Variants in C10orf67 observed in about 807,000 individuals in gnomAD.
The protein encoded by C10orf67 is chromosome 10 open reading frame 67.
Under a neutral mutation model 35.6 loss-of-function variants are expected in C10orf67, and 60 were observed. That is an observed-to-expected ratio of 1.68 (90% CI 1.37 to 2.09). The LOEUF is 2.09. Ranked by LOEUF, C10orf67 falls within the 30% of genes most tolerant of loss-of-function variation. The pLI, the probability that C10orf67 is intolerant of heterozygous loss-of-function variation, is 0.00. For missense variants in C10orf67, 474 were observed against 330.2 expected (o/e 1.44, Z -3.38); for synonymous variants, 167 against 115.8 (o/e 1.44, Z -2.84).
intron 1 of C10orf67, among the ~76,000 whole-genome samples, chr10:23,343,299 C>A (rs1445972202): frequency 6.6e-6 from 1 of 152,042 alleles, no homozygotes; most frequent in Non-Finnish European, 1.5e-5. Flanking sequence ...CTTCTAAAAG[C>A]AGGGTGGGAG....
intron 15 of C10orf67, among the ~76,000 whole-genome samples, chr10:23,222,758 C>A (rs2132105564): frequency 6.6e-6 from 1 of 152,284 alleles, no homozygotes; most frequent in Non-Finnish European, 1.5e-5. Flanking sequence ...GGCAACACGA[C>A]AAAATCTCAG....
chr10:23,280,962 A>G (rs1289671866), intron 8 of C10orf67, among the ~76,000 whole-genome samples: 3 of 152,170 alleles, frequency 2.0e-5, no homozygotes, highest in Non-Finnish European at 4.4e-5. Flanking sequence ...TGAACTTTGG[A>G]GGAATGACAG....
chr10:23,265,515 C>T (rs1213936032), intron 10 of C10orf67, among the ~76,000 whole-genome samples: 1 of 152,202 alleles, frequency 6.6e-6, no homozygotes, highest in Non-Finnish European at 1.5e-5. Flanking sequence ...GGGTTCTATG[C>T]CTTCTAAAAG....
rs142599781 is a variant in C10orf67 at position 23,217,336 on chromosome 10, C to T, written c.1570+6262G>A. On this transcript the variant is annotated intron_variant, in intron 15 of 15. Transcript: ENST00000636213. ...AGCTGAAAGGAATATTAATATGGTA[C>T]CTTTCATATACAAGGATGTCATGTC... Among the ~76,000 whole-genome samples the T allele has an allele frequency of 9.9e-5, 15 of 152,176 alleles. 1 individual carries two copies. The highest frequency in any genetic ancestry group is 4.2e-4 in the South Asian group (2 of 4,810).
chr10:23,327,681 C>T (rs1374098202), intron 2 of C10orf67, among the ~76,000 whole-genome samples: 20 of 151,878 alleles, frequency 1.3e-4, no homozygotes, highest in African/African-American at 3.1e-4. Context: ...AAAAATTATC[C>T]GGGCGTGGTG....
intron 15 of C10orf67, among the ~76,000 whole-genome samples, chr10:23,221,554 A>G (rs1841581345): frequency 1.3e-5 from 2 of 152,358 alleles, no homozygotes; most frequent in Admixed American, 1.3e-4. Flanking sequence ...GGTGAAGATT[A>G]GCAATAATCT....
chr10:23,206,189 T>C (rs1841154189), intron 15 of C10orf67, among the ~76,000 whole-genome samples: 1 of 152,162 alleles, frequency 6.6e-6, no homozygotes, highest in Non-Finnish European at 1.5e-5. Flanking sequence ...ATCAAACCAA[T>C]GGTTACCCCT....
intron 4 of C10orf67, among the ~76,000 whole-genome samples, chr10:23,314,684 A>G (rs1201717597): frequency 1.3e-5 from 2 of 152,172 alleles, no homozygotes; most frequent in Non-Finnish European, 2.9e-5. Flanking sequence ...AGTTTGTAGA[A>G]AAATCCACTT....
intron 12 of C10orf67, among the ~76,000 whole-genome samples, chr10:23,242,755 A>G (rs1842216378): frequency 6.6e-6 from 1 of 152,130 alleles, no homozygotes; most frequent in South Asian, 2.1e-4. Flanking sequence ...AAGAAAATGA[A>G]TAACAAATTA....
chr10:23,288,208 T>C (rs1843604867), intron 7 of C10orf67, among the ~76,000 whole-genome samples: 1 of 152,130 alleles, frequency 6.6e-6, no homozygotes, highest in Non-Finnish European at 1.5e-5. Flanking sequence ...AGCAAAGACA[T>C]GAAACCAACC....
At chr10:23,286,052 A>G (rs1843516363) in intron 7 of C10orf67, among the ~76,000 whole-genome samples, 1 of 152,030 alleles carries the variant, frequency 6.6e-6, no homozygotes, top group Admixed American at 6.6e-5. Context: ...CATGCTACTC[A>G]TTTCTACCAG....
chr10:23,302,963 G>A (rs769907762), intron 5 of C10orf67, among the ~76,000 whole-genome samples: 2 of 151,980 alleles, frequency 1.3e-5, no homozygotes, highest in Non-Finnish European at 2.9e-5. Context: ...TACTTTGACT[G>A]CAAAAAAAGG....
chr10:23,344,650 G>T lies in C10orf67; in HGVS notation c.125C>A (p.Ala42Asp). ...GTRWEAMKAK[A>D]TELRVCCARR... is the part of the protein sequence containing the mutation. ...CGCGCAGCAGACCCGCAGCTCGGTG[G>T]CCTTGGCTTTCATGGCCTCCCAGCG... Residue 42 changes from alanine (A) to aspartate (D), a missense_variant, in exon 1 of 16, where the codon GCC becomes GAC. Ala to Asp is a moderately radical substitution (Grantham distance 126). Coordinates refer to ENST00000636213, the MANE Select transcript of C10orf67 (RefSeq NM_001371909.1). 6.3e-7 allele frequency: 1 copy of T among 1,580,896 alleles called. No homozygotes were observed. The highest frequency in any genetic ancestry group is 1.2e-5 in the South Asian group (1 of 86,112).
chr10:23,250,005 A>G (rs1164560470), intron 12 of C10orf67, among the ~76,000 whole-genome samples: 1 of 152,246 alleles, frequency 6.6e-6, no homozygotes, highest in African/African-American at 2.4e-5. Context: ...GAAGAGAAAC[A>G]AAATGCTTAT....
intron 7 of C10orf67, among the ~76,000 whole-genome samples, chr10:23,285,246 T>C (rs1182541980): frequency 6.6e-6 from 1 of 151,342 alleles, no homozygotes; most frequent in East Asian, 1.9e-4. Flanking sequence ...TACCAAAATG[T>C]CCCTATATTC....
intron 3 of C10orf67, among the ~76,000 whole-genome samples, chr10:23,321,456 C>T (rs550306041): frequency 6.6e-6 from 1 of 152,308 alleles, no homozygotes; most frequent in South Asian, 2.1e-4. Flanking sequence ...AGACTATCCT[C>T]CTGTTTCAAC....
At chr10:23,258,331 A>C (rs1051766660) in intron 10 of C10orf67, 2 of 161,582 alleles carry the variant, frequency 1.2e-5, no homozygotes, top group Non-Finnish European at 2.9e-5. Context: ...AGGCCTTCCT[A>C]AGATGCCTTA....
chr10:23,269,401 C>G (rs768608545), intron 8 of C10orf67, among the ~76,000 whole-genome samples: 11 of 151,768 alleles, frequency 7.2e-5, no homozygotes, highest in Non-Finnish European at 1.3e-4. Context: ...TAAGATAGAG[C>G]CAAATGGTAA....
Position 23,229,147 on chromosome 10 carries a change from C to T in C10orf67, c.1435-5329G>A, listed in dbSNP as rs1231332033. ...GACACATGCACACGTATGTTCACTGCGGCACTATTCACAATAGCAAAGACT... is the reference window on the plus strand; with the variant it reads ...GACACATGCACACGTATGTTCACTGTGGCACTATTCACAATAGCAAAGACT... On this transcript the variant is annotated intron_variant, in intron 13 of 15. Coordinates refer to ENST00000636213, the MANE Select transcript of C10orf67 (RefSeq NM_001371909.1). Among the ~76,000 whole-genome samples, 8 of 151,912 alleles carry T rather than the reference C, an allele frequency of 5.3e-5. No individual in the cohort carries two copies. In the South Asian group the frequency reaches 6.2e-4, roughly 12 times the overall value.
Sources: allele counts gnomAD v4.1 joint callset (sites outside exome capture counted in the v4.1 genomes callset), GRCh38; gene constraint gnomAD v4.1.1; transcripts MANE v1.5; gene names NCBI Gene and HGNC (gene_info 2026-07-23, HGNC 2026-07-21).